Variants in TRPS1 observed in about 807,000 individuals in gnomAD.
TRPS1 encodes the protein zinc finger transcription factor Trps1.
In TRPS1, 6 loss-of-function variants were observed where a neutral mutation model predicts 101.2. The ratio of observed to expected loss-of-function variants is 0.06; its 90% CI spans 0.03 to 0.12. TRPS1 has a LOEUF of 0.12. Among genes scored for constraint, TRPS1 ranks in the 10% least tolerant of loss-of-function variants. The pLI, the probability that TRPS1 is intolerant of heterozygous loss-of-function variation, is 1.00. For missense variants in TRPS1, 1,363 were observed against 1,567.0 expected (o/e 0.87, Z 2.20); for synonymous variants, 578 against 589.8 (o/e 0.98, Z 0.29).
intron 1 of TRPS1, among the ~76,000 whole-genome samples, chr8:115,659,663 TAA>T (rs1811750490): frequency 6.6e-6 from 1 of 151,946 alleles, no homozygotes; most frequent in South Asian, 2.1e-4. Flanking sequence ...CAGAGCTACT[TAA>T]GAGTATTGAG....
At chr8:115,426,653 C>G (rs550059484) in intron 5 of TRPS1, among the ~76,000 whole-genome samples, 1 of 152,052 alleles carries the variant, frequency 6.6e-6, no homozygotes, top group African/African-American at 2.4e-5. Context: ...GGGGATCATA[C>G]AATCTTTTGG....
chr8:115,467,955 A>T (rs781112189), intron 5 of TRPS1, among the ~76,000 whole-genome samples: 47 of 152,196 alleles, frequency 3.1e-4, no homozygotes, highest in Non-Finnish European at 2.9e-4. Context: ...ATCAATTAGA[A>T]TGACTGAGGC....
At chr8:115,575,073 G>A (rs1180211712) in intron 5 of TRPS1, among the ~76,000 whole-genome samples, 1 of 152,106 alleles carries the variant, frequency 6.6e-6, no homozygotes, top group East Asian at 1.9e-4. Flanking sequence ...CTACTACTGT[G>A]TGGTCCCATA....
chr8:115,485,065 A>C (rs898857363), intron 5 of TRPS1, among the ~76,000 whole-genome samples: 1 of 152,204 alleles, frequency 6.6e-6, no homozygotes, highest in Non-Finnish European at 1.5e-5. Flanking sequence ...TTAGGTCCCA[A>C]ATAGTTGACC....
chr8:115,648,232 A>G (rs2737248), intron 1 of TRPS1, among the ~76,000 whole-genome samples: 69,479 of 151,918 alleles, frequency 0.46, 17,915 homozygotes, highest in African/African-American at 0.69. Flanking sequence ...AGGGAGTGGG[A>G]AGAAGCGGGC....
At chr8:115,580,622 C>T (rs557984669) in intron 5 of TRPS1, among the ~76,000 whole-genome samples, 1 of 152,178 alleles carries the variant, frequency 6.6e-6, no homozygotes, top group Admixed American at 6.6e-5. Flanking sequence ...TGAACAGATA[C>T]TGCACTAAAG....
At chr8:115,463,810 C>T (rs1449093111) in intron 5 of TRPS1, among the ~76,000 whole-genome samples, 1 of 151,908 alleles carries the variant, frequency 6.6e-6, no homozygotes, top group Admixed American at 6.6e-5. Context: ...AGAGGGCACA[C>T]CTTTCCTTAG....
chr8:115,530,089 T>C (rs1390098468), intron 5 of TRPS1, among the ~76,000 whole-genome samples: 6 of 152,282 alleles, frequency 3.9e-5, no homozygotes, highest in South Asian at 2.1e-4. Context: ...AAAAAGTTCA[T>C]GTTATTAGTA....
At chr8:115,494,417 G>A (rs560810454) in intron 5 of TRPS1, among the ~76,000 whole-genome samples, 5 of 152,240 alleles carry the variant, frequency 3.3e-5, no homozygotes, top group East Asian at 3.9e-4. Context: ...CTCTTAAAGC[G>A]TTTGTTAAAA....
chr8:115,530,599 T>C (rs1025169608), intron 5 of TRPS1, among the ~76,000 whole-genome samples: 1 of 152,104 alleles, frequency 6.6e-6, no homozygotes, highest in East Asian at 1.9e-4. Flanking sequence ...GGGTTGTCAA[T>C]TGCAGTAAAA....
In TRPS1 at chr8:115,604,351, A is replaced by G. The variant is rs1401522202; in HGVS notation, c.1618T>C (p.Phe540Leu). ...CTTTTGGAATATCGGAAGTCACAGA[A>G]CTGACAATTATAGCTCGTTACCATA... The part of the protein sequence containing the change: ...DNMVTSYNCQ[F>L]CDFRYSKSHG... Residue 540 changes from phenylalanine to leucine, a missense_variant, in exon 4 of 7, where the codon TTC becomes CTC. Phe to Leu is a conservative substitution (Grantham distance 22). Coordinates refer to ENST00000395715, the MANE Select transcript of TRPS1 (RefSeq NM_014112.5). The surrounding 1 kb of genome is among the most constrained non-coding windows in gnomAD (Gnocchi z 4.1). The G allele has an allele frequency of 6.2e-7, 1 of 1,614,064 alleles. No homozygotes were observed.
chr8:115,427,903 A>C (rs1227077999), intron 5 of TRPS1, among the ~76,000 whole-genome samples: 1 of 152,138 alleles, frequency 6.6e-6, no homozygotes, highest in Admixed American at 6.5e-5. Flanking sequence ...GTGTCAAAAA[A>C]AATAAAAAAA....
intron 5 of TRPS1, among the ~76,000 whole-genome samples, chr8:115,434,847 A>T (rs1187665216): frequency 3.9e-5 from 6 of 152,196 alleles, no homozygotes; most frequent in Non-Finnish European, 8.8e-5. Flanking sequence ...CTTATAACCC[A>T]AATGCCTGAT....
chr8:115,433,483 C>T (rs749638576), intron 5 of TRPS1, among the ~76,000 whole-genome samples: 10 of 151,876 alleles, frequency 6.6e-5, no homozygotes, highest in South Asian at 2.1e-4. Flanking sequence ...ATTCAGAATT[C>T]TCTCTTAATG....
chr8:115,553,505 G>A (rs995037561), intron 5 of TRPS1, among the ~76,000 whole-genome samples: 1 of 152,024 alleles, frequency 6.6e-6, no homozygotes, highest in African/African-American at 2.4e-5. Context: ...AACCTTTCTA[G>A]CTAGTTAAAA....
At chr8:115,449,011 A>G (rs1426191994) in intron 5 of TRPS1, among the ~76,000 whole-genome samples, 1 of 152,194 alleles carries the variant, frequency 6.6e-6, no homozygotes, top group Non-Finnish European at 1.5e-5. Flanking sequence ...CATATATTCT[A>G]CTTTCTAATG....
intron 5 of TRPS1, among the ~76,000 whole-genome samples, chr8:115,580,234 GAA>G (rs10642817): frequency 8.3e-5 from 11 of 133,126 alleles, no homozygotes; most frequent in African/African-American, 1.4e-4. Flanking sequence ...AGGGAGAGAA[GAA>G]AAAAAAAAAA....
intron 5 of TRPS1, among the ~76,000 whole-genome samples, chr8:115,467,320 A>T (rs1271506960): frequency 1.3e-5 from 2 of 152,126 alleles, no homozygotes; most frequent in Non-Finnish European, 2.9e-5. Context: ...TTTATGGCAA[A>T]ACCCACTCAA....
chr8:115,637,306 G>A (rs1818792906), intron 1 of TRPS1: 1 of 985,312 alleles, frequency 1.0e-6, no homozygotes, highest in Admixed American at 6.1e-5. Flanking sequence ...ACCACTTGGA[G>A]AAAGCAGGAA....
Sources: gnomAD v4.1 joint callset for allele counts (sites outside exome capture counted in the v4.1 genomes callset) on GRCh38, gnomAD v4.1.1 for gene constraint, Gnocchi (gnomAD v3.1) non-coding constraint, MANE v1.5 for transcripts, NCBI Gene and HGNC (gene_info 2026-07-23, HGNC 2026-07-21) for gene names.